Variants in GRIP1 observed in about 807,000 individuals in gnomAD.
The protein encoded by GRIP1 is glutamate receptor interacting protein 1.
In GRIP1, 45 loss-of-function variants were observed where a neutral mutation model predicts 129.9. That is an observed-to-expected ratio of 0.35 (90% CI 0.27 to 0.44). GRIP1 has a LOEUF of 0.44. Among genes scored for constraint, GRIP1 ranks in the 20% least tolerant of loss-of-function variants. The probability of loss-of-function intolerance (pLI) is 1.00; values close to 1 mark genes in which losing one functional copy is unlikely to be tolerated. For missense variants in GRIP1, 1,196 were observed against 1,396.8 expected, an observed-to-expected ratio of 0.86 and a Z score of 2.29; for synonymous variants, 530 against 520.8, an observed-to-expected ratio of 1.02 and a Z score of -0.24.
intron 11 of GRIP1, among the ~76,000 whole-genome samples, chr12:66,453,294 T>G (rs1052197600): frequency 3.3e-5 from 5 of 152,322 alleles, no homozygotes; most frequent in Admixed American, 2.0e-4. Context: ...AATACTAGCC[T>G]TTGAAGCAGA....
intron 7 of GRIP1, among the ~76,000 whole-genome samples, chr12:66,492,493 G>T (rs1209119052): frequency 6.6e-6 from 1 of 152,136 alleles, no homozygotes; most frequent in Non-Finnish European, 1.5e-5. Flanking sequence ...AATCAAGAGA[G>T]CCAAGGCACT....
At chr12:66,444,082 A>G (rs1258653801) in intron 13 of GRIP1, among the ~76,000 whole-genome samples, 1 of 152,222 alleles carries the variant, frequency 6.6e-6, no homozygotes, top group Non-Finnish European at 1.5e-5. Flanking sequence ...AATTTGTCAC[A>G]TTTATTTTCA....
Position 66,829,697 on chromosome 12 carries a change from C to T in GRIP1, c.59-232770G>A, listed in dbSNP as rs535419730. Among the ~76,000 whole-genome samples, 6 of 152,300 alleles carry T rather than the reference C, an allele frequency of 3.9e-5. No individual in the cohort carries two copies. In the East Asian group the frequency reaches 7.7e-4, roughly 20 times the overall value. On this transcript the variant is annotated intron_variant, in intron 1 of 1. Transcript: ENST00000643019. ...TTCCCATTTGTGTGGCATTTTATAG[C>T]TCAAGCGCTTTCCCAAACCATTTGA...
intron 1 of GRIP1, among the ~76,000 whole-genome samples, chr12:66,901,411 G>A (rs1280072776): frequency 6.6e-6 from 1 of 152,224 alleles, no homozygotes; most frequent in African/African-American, 2.4e-5. Flanking sequence ...GACACATCTG[G>A]TGGAAAGGGA....
chr12:66,528,500 T>C (rs1284712849), intron 5 of GRIP1, among the ~76,000 whole-genome samples: 1 of 152,136 alleles, frequency 6.6e-6, no homozygotes, highest in Non-Finnish European at 1.5e-5. Context: ...TGCCATACTA[T>C]AATATGATGA....
chr12:66,938,243 G>A (rs2041519639), intron 1 of GRIP1, among the ~76,000 whole-genome samples: 1 of 152,040 alleles, frequency 6.6e-6, no homozygotes, highest in Non-Finnish European at 1.5e-5. Context: ...GGGCATGGTG[G>A]CACACGCCTG....
intron 1 of GRIP1, among the ~76,000 whole-genome samples, chr12:66,693,546 C>T (rs2035050986): frequency 6.6e-6 from 1 of 152,120 alleles, no homozygotes; most frequent in Non-Finnish European, 1.5e-5. Flanking sequence ...CTATTTTAGG[C>T]CTTCCGGGGT....
chr12:66,433,395 T>A (rs773546491), intron 13 of GRIP1, among the ~76,000 whole-genome samples: 1 of 152,142 alleles, frequency 6.6e-6, no homozygotes, highest in Non-Finnish European at 1.5e-5. Context: ...AGTTTCTGTA[T>A]AATGAGGAGC....
intron 1 of GRIP1, among the ~76,000 whole-genome samples, chr12:66,863,442 G>A (rs1338997340): frequency 6.6e-6 from 1 of 152,096 alleles, no homozygotes; most frequent in Admixed American, 6.6e-5. Context: ...AAGAAGAGTG[G>A]TGAGTAAGTG....
chr12:66,969,049 T>G (rs2042036182), intron 1 of GRIP1, among the ~76,000 whole-genome samples: 1 of 152,178 alleles, frequency 6.6e-6, no homozygotes, highest in African/African-American at 2.4e-5. Flanking sequence ...GTATTTTTCT[T>G]CACTTGCATA....
In GRIP1 at chr12:66,521,656, A is replaced by G. The variant is rs544440560; in HGVS notation, c.503-3680T>C. 8.7e-4 allele frequency among the ~76,000 whole-genome samples: 132 copies of G among 152,308 alleles called. 1 individual carries two copies. The highest frequency in any genetic ancestry group is 3.1e-3 in the African/African-American group (130 of 41,568). On this transcript the variant is annotated intron_variant, in intron 5 of 24. Coordinates refer to ENST00000359742, the MANE Select transcript of GRIP1 (RefSeq NM_001366722.1). The stretch of plus-strand genomic sequence containing the variant: ...CTAGGGAGTGCCAGACAGTGGGTGC[A>G]GGACAGTGGGTGCAGCGCACCGGGC...
intron 1 of GRIP1, among the ~76,000 whole-genome samples, chr12:67,054,627 G>T (rs2043403322): frequency 6.6e-6 from 1 of 152,056 alleles, no homozygotes; most frequent in African/African-American, 2.4e-5. Context: ...AGTCAGCCAT[G>T]GTGGTGCGCA....
At chr12:66,733,235 A>G (rs1228161115) in intron 1 of GRIP1, among the ~76,000 whole-genome samples, 2 of 152,122 alleles carry the variant, frequency 1.3e-5, no homozygotes. Context: ...ACTTGTTTTT[A>G]TACATTGTTG....
chr12:66,977,852 A>T, intron 1 of GRIP1, among the ~76,000 whole-genome samples: 1 of 96,878 alleles, frequency 1.0e-5, no homozygotes, highest in African/African-American at 4.2e-5. Flanking sequence ...TTGCTCTTTC[A>T]TCCAGTTTGG....
At chr12:66,572,010 T>C (rs968840419) in intron 2 of GRIP1, among the ~76,000 whole-genome samples, 3 of 152,122 alleles carry the variant, frequency 2.0e-5, no homozygotes, top group African/African-American at 4.8e-5. Context: ...TACATATGTT[T>C]TAAATCAACT....
At chr12:66,652,723 T>C (rs2136150277) in intron 1 of GRIP1, among the ~76,000 whole-genome samples, 1 of 152,360 alleles carries the variant, frequency 6.6e-6, no homozygotes, top group Middle Eastern at 3.4e-3. Context: ...CATGTCCCCA[T>C]CACTCCAGGT....
At chr12:66,940,330 G>A (rs764516156) in intron 1 of GRIP1, among the ~76,000 whole-genome samples, 1 of 152,112 alleles carries the variant, frequency 6.6e-6, no homozygotes, top group Non-Finnish European at 1.5e-5. Context: ...TATGCACCAT[G>A]AAATTAAATG....
intron 7 of GRIP1, among the ~76,000 whole-genome samples, chr12:66,484,754 T>C (rs1450429051): frequency 6.6e-6 from 1 of 152,154 alleles, no homozygotes; most frequent in African/African-American, 2.4e-5. Flanking sequence ...AGTTCTAGTG[T>C]TTGATAGCAC....
chr12:66,972,547 T>G (rs1025942948), intron 1 of GRIP1, among the ~76,000 whole-genome samples: 13 of 152,202 alleles, frequency 8.5e-5, no homozygotes, highest in Non-Finnish European at 1.8e-4. Context: ...TTATTTAATT[T>G]TCATTTAAAT....
Sources: allele counts gnomAD v4.1 joint callset (sites outside exome capture counted in the v4.1 genomes callset), GRCh38; gene constraint gnomAD v4.1.1; transcripts MANE v1.5; gene names NCBI Gene and HGNC (gene_info 2026-07-23, HGNC 2026-07-21).